The following NIBAN1 variants were observed in gnomAD, a reference collection of about 807,000 sequenced individuals.
NIBAN1 encodes the protein protein Niban 1.
Under a neutral mutation model 75.1 loss-of-function variants are expected in NIBAN1, and 81 were observed. The ratio of observed to expected loss-of-function variants is 1.08; its 90% CI spans 0.90 to 1.30. The LOEUF (loss-of-function observed/expected upper bound fraction) is 1.30. Among genes scored for constraint, NIBAN1 ranks in the 50% most tolerant of loss-of-function variants. The pLI, the probability that NIBAN1 is intolerant of heterozygous loss-of-function variation, is 0.00. For synonymous variants in NIBAN1, 436 were observed against 424.8 expected (o/e 1.03, Z -0.32); for missense variants, 1,133 against 1,128.1 (o/e 1.00, Z -0.06).
At chr1:184,893,625 G>A (rs1053625393) in intron 3 of NIBAN1, among the ~76,000 whole-genome samples, 1 of 152,178 alleles carries the variant, frequency 6.6e-6, no homozygotes, top group Non-Finnish European at 1.5e-5. Flanking sequence ...AATAACTCCT[G>A]AGCCACCTGT....
At chr1:184,958,181 A>G (rs892543764) in intron 1 of NIBAN1, among the ~76,000 whole-genome samples, 2 of 152,216 alleles carry the variant, frequency 1.3e-5, no homozygotes, top group African/African-American at 4.8e-5. Flanking sequence ...AGCCTGGCCA[A>G]CATAGTGAAA....
At chr1:184,867,579 A>C (rs150017530) in intron 5 of NIBAN1, among the ~76,000 whole-genome samples, 1 of 152,306 alleles carries the variant, frequency 6.6e-6, no homozygotes, top group African/African-American at 2.4e-5. Context: ...ATAAGGTTAC[A>C]TCCTGCTTGA....
At chr1:184,940,618 G>T (rs979698719) in intron 1 of NIBAN1, among the ~76,000 whole-genome samples, 6 of 152,204 alleles carry the variant, frequency 3.9e-5, no homozygotes, top group African/African-American at 1.4e-4. Flanking sequence ...GGGCTAGGGG[G>T]AGAACTAGTG....
chr1:184,839,891 C>T (rs759371556), intron 5 of NIBAN1, among the ~76,000 whole-genome samples: 60 of 152,246 alleles, frequency 3.9e-4, no homozygotes, highest in South Asian at 1.9e-3. Context: ...GCCACCGAGC[C>T]TGGCCTGTTC....
At chr1:184,922,815 C>A (rs1557915944) in intron 1 of NIBAN1, among the ~76,000 whole-genome samples, 2 of 152,208 alleles carry the variant, frequency 1.3e-5, no homozygotes, top group Non-Finnish European at 2.9e-5. Context: ...CCATGTGGGT[C>A]TGGCTGGTCT....
chr1:184,931,280 G>A (rs562130178), intron 1 of NIBAN1, among the ~76,000 whole-genome samples: 18 of 152,230 alleles, frequency 1.2e-4, no homozygotes, highest in Admixed American at 2.6e-4. Context: ...GATTACAGGC[G>A]TGAGCCACCG....
chr1:184,898,621 T>C (rs1025226855), intron 2 of NIBAN1, among the ~76,000 whole-genome samples: 4 of 152,088 alleles, frequency 2.6e-5, no homozygotes, highest in Non-Finnish European at 4.4e-5. Context: ...ATCTCAAAAA[T>C]AAAATAAGAC....
intron 1 of NIBAN1, among the ~76,000 whole-genome samples, chr1:184,953,293 G>A (rs1238794773): frequency 6.6e-6 from 1 of 152,134 alleles, no homozygotes; most frequent in Admixed American, 6.5e-5. Context: ...CTGTACTTGG[G>A]TGCTCTACCT....
chr1:184,812,026 G>A (rs74132049), intron 9 of NIBAN1, among the ~76,000 whole-genome samples: 72 of 152,340 alleles, frequency 4.7e-4, no homozygotes, highest in African/African-American at 1.7e-3. Flanking sequence ...TGCTGGAAAA[G>A]ATCCTTTCGC....
chr1:184,844,561 G>A (rs959660720), intron 5 of NIBAN1, among the ~76,000 whole-genome samples: 1 of 152,188 alleles, frequency 6.6e-6, no homozygotes, highest in East Asian at 1.9e-4. Flanking sequence ...AGAAGTTTAT[G>A]TCATTGCCCA....
At chr1:184,940,325 A>G (rs1658059590) in intron 1 of NIBAN1, among the ~76,000 whole-genome samples, 1 of 152,250 alleles carries the variant, frequency 6.6e-6, no homozygotes, top group African/African-American at 2.4e-5. Flanking sequence ...TCTAGTTTTA[A>G]CAAATCAGTG....
rs1394074773 is a variant in NIBAN1, at chr1:184,791,542, T to C, written c.*3435A>G. ...TACTATGTGTAATGCAAGGCACTTA[T>C]GTCTCTGCTTAAAGCTACAAGGGAA... On this transcript the variant is annotated 3_prime_UTR_variant, in exon 14 of 14. Coordinates refer to ENST00000367511, the MANE Select transcript of NIBAN1 (RefSeq NM_052966.4). The C allele has an allele frequency of 1.3e-5, 2 of 151,998 alleles. No homozygotes were observed. The highest frequency in any genetic ancestry group is 1.9e-4 in the East Asian group (1 of 5,186). The allele number at this position is 151,998 out of a possible 1,614,324, so 9.4% of individuals were successfully genotyped here.
At chr1:184,970,883 G>A (rs1658917883) in intron 1 of NIBAN1, among the ~76,000 whole-genome samples, 2 of 152,066 alleles carry the variant, frequency 1.3e-5, no homozygotes, top group Non-Finnish European at 2.9e-5. Context: ...ATTTTTAGAA[G>A]GAAATAAAAT....
chr1:184,931,392 G>A (rs905571696), intron 1 of NIBAN1, among the ~76,000 whole-genome samples: 4 of 152,160 alleles, frequency 2.6e-5, no homozygotes, highest in East Asian at 1.9e-4. Flanking sequence ...GTAGTTGCAC[G>A]TGTACAATCT....
At chr1:184,835,518 C>T (rs140196072) in intron 5 of NIBAN1, among the ~76,000 whole-genome samples, 3,294 of 152,176 alleles carry the variant, frequency 0.022, 86 homozygotes, top group East Asian at 0.074. Flanking sequence ...TTTTATTTCA[C>T]TGAGCAGTGG....
rs111367993 is a variant in NIBAN1, at chr1:184,926,266, C to T, written c.56-26957G>A. On this transcript the variant is annotated intron_variant, in intron 1 of 13. Transcript: ENST00000367511. ...GTTTGTTTTTGTTTTTAAGACGAGA[C>T]TCACTCTATCGCCCAGGCTGGAGTG... 6.4e-3 allele frequency among the ~76,000 whole-genome samples: 980 copies of T among 152,270 alleles called. 9 individuals are homozygous for T. The highest frequency in any genetic ancestry group is 0.022 in the African/African-American group (929 of 41,538).
At chr1:184,877,108 T>G (rs1181389008) in intron 5 of NIBAN1, among the ~76,000 whole-genome samples, 1 of 152,090 alleles carries the variant, frequency 6.6e-6, no homozygotes, top group Non-Finnish European at 1.5e-5. Flanking sequence ...CTATCTAGAG[T>G]AACACAGATA....
chr1:184,904,161 G>C (rs375099701), intron 1 of NIBAN1, among the ~76,000 whole-genome samples: 1 of 152,034 alleles, frequency 6.6e-6, no homozygotes, highest in East Asian at 1.9e-4. Flanking sequence ...CTCCCAAAGT[G>C]CTGGGATTAC....
At chr1:184,832,278 G>T (rs893682996) in intron 5 of NIBAN1, among the ~76,000 whole-genome samples, 1 of 152,080 alleles carries the variant, frequency 6.6e-6, no homozygotes, top group Non-Finnish European at 1.5e-5. Flanking sequence ...GCGCCTTTAC[G>T]CTACCAGCTG....
Sources: allele counts gnomAD v4.1 joint callset (sites outside exome capture counted in the v4.1 genomes callset), GRCh38; gene constraint gnomAD v4.1.1; transcripts MANE v1.5; gene names NCBI Gene and HGNC (gene_info 2026-07-23, HGNC 2026-07-21).